Variants in WIPI2 observed in about 807,000 individuals in gnomAD.
WIPI2 encodes the protein WD repeat domain, phosphoinositide interacting 2.
In WIPI2, 28 loss-of-function variants were observed where a neutral mutation model predicts 52.3. The ratio of observed to expected loss-of-function variants is 0.54; its 90% CI spans 0.40 to 0.73. WIPI2 has a LOEUF of 0.73. Ranked by LOEUF, WIPI2 falls within the 30% of genes least tolerant of loss-of-function variation. The pLI is 0.00. For missense variants in WIPI2, 506 were observed against 602.9 expected, an observed-to-expected ratio of 0.84 and a Z score of 1.68; for synonymous variants, 268 against 245.0, an observed-to-expected ratio of 1.09 and a Z score of -0.88.
At position 5,229,597 on chromosome 7, in the gene WIPI2, C is replaced by A. The variant is rs1425872846; in HGVS notation, c.1122-11C>A. ...TGGAGACGCTGAGCTGTGTCGCTTT[C>A]TTCCCTCCAGGCTGGACGGCAGTCT... On this transcript the variant is annotated splice_polypyrimidine_tract_variant and intron_variant, in intron 11 of 12. Transcript: ENST00000288828. 1 of 1,611,706 alleles carries A rather than the reference C, an allele frequency of 6.2e-7. No homozygotes were observed. Among genetic ancestry groups the A allele is most frequent in the Non-Finnish European group, 8.5e-7 (1 of 1,179,054 alleles).
At chr7:5,225,052 T>A (rs1783356613) in intron 8 of WIPI2, among the ~76,000 whole-genome samples, 1 of 152,096 alleles carries the variant, frequency 6.6e-6, no homozygotes, top group South Asian at 2.1e-4. Flanking sequence ...TATGAAGAAA[T>A]TCACATGAAT....
intron 8 of WIPI2, among the ~76,000 whole-genome samples, chr7:5,225,144 T>C (rs1165975538): frequency 6.6e-6 from 1 of 152,044 alleles, no homozygotes; most frequent in Non-Finnish European, 1.5e-5. Flanking sequence ...TGTCTTTTTT[T>C]TTTTTTAAAT....
rs1218651448 is a variant in WIPI2, at chr7:5,229,706, G to C, written c.1220G>C (p.Gly407Ala). The C allele has an allele frequency of 6.2e-7, 1 of 1,614,060 alleles. No individual in the cohort carries two copies. The highest frequency in any genetic ancestry group is 8.5e-7 in the Non-Finnish European group (1 of 1,179,964). The stretch of plus-strand genomic sequence containing the variant: ...ACATACGGCGCAGCTGCAGGAAAAG[G>C]TACTTACGTGCCTTCATCCCCAACG... ...TQTYGAAAGK[G>A]TYVPSSPTRL... is the part of the protein sequence containing the mutation. The change falls in exon 12 of 13, where the codon GGT becomes GCT. Residue 407 changes from glycine to alanine, a missense_variant. Transcript: ENST00000288828.
chr7:5,196,964 T>C (rs985459012), intron 2 of WIPI2, among the ~76,000 whole-genome samples: 3 of 151,370 alleles, frequency 2.0e-5, no homozygotes, highest in African/African-American at 7.3e-5. Context: ...ATACAAAAAT[T>C]AGCCGGGCGT....
chr7:5,218,014 G>A lies in WIPI2; in HGVS notation c.669G>A (p.Lys223=). 4 of 1,614,188 alleles carry A rather than the reference G, an allele frequency of 2.5e-6. No individual in the cohort carries two copies. The highest frequency in any genetic ancestry group is 3.4e-6 in the Non-Finnish European group (4 of 1,180,014). The change falls in exon 7 of 13, where the codon AAG becomes AAA. Residue 223 remains lysine, a splice_region_variant and synonymous_variant. Transcript: ENST00000288828. ...CTAAACTTGCCACGGCTTCGGAGAA[G>A]GTGAGTCTGCTTTTCCCCGGGGGAG... ...SGTKLATASE[K]GTVIRVFSIP...
intron 6 of WIPI2, 127 bp from the exon 7 acceptor site, chr7:5,217,795 T>C (rs1782896089): frequency 2.3e-6 from 2 of 857,864 alleles, no homozygotes; most frequent in Non-Finnish European, 3.8e-6. Flanking sequence ...TCAAGTGGGT[T>C]TGGCATTTGT....
In WIPI2 at chr7:5,193,668, T is replaced by C. The variant is rs181825497; in HGVS notation, c.128+497T>C. ...ATAGCTTACTGCAACTTTGAGTTCC[T>C]GGGCTCAAGCGGTCCTCCTGCCTCA... On this transcript the variant is annotated intron_variant, in intron 2 of 12. Transcript: ENST00000288828. 4.2e-3 allele frequency among the ~76,000 whole-genome samples: 644 copies of C among 152,350 alleles called. 13 individuals carry two copies. Among genetic ancestry groups the C allele is most frequent in the East Asian group, 2.7e-3 (14 of 5,190 alleles).
intron 3 of WIPI2, among the ~76,000 whole-genome samples, chr7:5,203,179 A>C (rs1782114910): frequency 6.6e-6 from 1 of 152,210 alleles, no homozygotes; most frequent in South Asian, 2.1e-4. Context: ...AGGTTTGAGA[A>C]ATGGTGTTTT....
chr7:5,192,636 G>A (rs1000942045), intron 1 of WIPI2, among the ~76,000 whole-genome samples: 13 of 152,210 alleles, frequency 8.5e-5, no homozygotes, highest in Non-Finnish European at 1.8e-4. Flanking sequence ...GAGAGACCTT[G>A]ATGTAGTGTA....
intron 7 of WIPI2, among the ~76,000 whole-genome samples, chr7:5,221,776 A>G (rs1783142113): frequency 6.6e-6 from 1 of 151,982 alleles, no homozygotes; most frequent in South Asian, 2.1e-4. Context: ...CTTCATGTGC[A>G]TCTTACCATT....
rs1783765978 is a variant in WIPI2, at chr7:5,232,389, G to A, written c.*1442G>A. On this transcript the variant is annotated 3_prime_UTR_variant, in exon 13 of 13. Transcript: ENST00000288828. ...TTGGCTTTACGGCAAACTAAATGCAGGGGACGCTGGAGTCCGACTCACCTA... is the reference window on the plus strand; with the variant it reads ...TTGGCTTTACGGCAAACTAAATGCAAGGGACGCTGGAGTCCGACTCACCTA... 2.5e-6 allele frequency: 1 copy of A among 398,458 alleles called. No homozygotes were observed. The highest frequency in any genetic ancestry group is 3.6e-5 in the East Asian group (1 of 28,080). The allele number at this position is 398,458 out of a possible 1,614,324, so 24.7% of individuals were successfully genotyped here. A position where few individuals can be genotyped will look rare whatever the true frequency, so the allele number is the denominator to read the frequency against.
intron 4 of WIPI2, 128 bp from the exon 5 acceptor site, chr7:5,216,435 A>C: frequency 3.9e-6 from 3 of 767,824 alleles, no homozygotes; most frequent in Non-Finnish European, 4.2e-6. Context: ...CTGACTCCAA[A>C]AAAATAAAAT....
At chr7:5,202,550 A>AT (rs201590345) in intron 3 of WIPI2, among the ~76,000 whole-genome samples, 1,707 of 151,208 alleles carry the variant, frequency 0.011, 29 homozygotes, top group African/African-American at 0.025. Context: ...CACCTGGCTG[A>AT]TTTTTTTTTA....
Position 5,230,780 on chromosome 7 carries a change from G to T in WIPI2, c.1253-55G>T. On this transcript the variant is annotated intron_variant, in intron 12 of 12. Coordinates refer to ENST00000288828, the MANE Select transcript of WIPI2 (RefSeq NM_015610.4). The surrounding 1 kb of genome is among the most constrained non-coding windows in gnomAD (Gnocchi z 4.8). ...AAACACAGTCCTCAGTGTGTGTCAT[G>T]GGGTCTGTGGTGTGTCCCCAGCCTT... is the stretch of plus-strand genomic sequence containing the variant. 1 of 1,373,530 alleles carries T rather than the reference G, an allele frequency of 7.3e-7. No individual in the cohort carries two copies. The highest frequency in any genetic ancestry group is 1.0e-6 in the Non-Finnish European group (1 of 984,150). The allele number at this position is 1,373,530 out of a possible 1,614,324, so 85.1% of individuals were successfully genotyped here.
chr7:5,193,385 A>T, intron 2 of WIPI2: 1 of 1,312,320 alleles, frequency 7.6e-7, no homozygotes, highest in East Asian at 2.6e-5. Context: ...TGCCATGTCT[A>T]AAAGGGATGG....
chr7:5,208,574 A>G (rs1782403769), intron 3 of WIPI2, among the ~76,000 whole-genome samples: 1 of 152,298 alleles, frequency 6.6e-6, no homozygotes, highest in Non-Finnish European at 1.5e-5. Flanking sequence ...TTTTATATTT[A>G]AGTCAATAAT....
At chr7:5,193,221 T>C in intron 2 of WIPI2, 50 bp downstream of exon 2, 1 of 1,592,628 alleles carries the variant, frequency 6.3e-7, no homozygotes, top group Non-Finnish European at 8.5e-7. Flanking sequence ...AGGCTTATGT[T>C]AGAGGACTTT....
At chr7:5,214,816 C>T (rs28607283) in intron 4 of WIPI2, 112 bp downstream of exon 4, 132,219 of 1,233,872 alleles carry the variant, frequency 0.11, 8,146 homozygotes, top group Middle Eastern at 0.14. Context: ...CCTGGCCCCA[C>T]GTTGCCGGGC....
intron 3 of WIPI2, among the ~76,000 whole-genome samples, chr7:5,205,490 G>A (rs992912409): frequency 1.3e-5 from 2 of 152,036 alleles, no homozygotes; most frequent in African/African-American, 2.4e-5. Context: ...AGTTATCCAC[G>A]GACACCTGGT....
Sources: allele counts gnomAD v4.1 joint callset (sites outside exome capture counted in the v4.1 genomes callset), GRCh38; gene constraint gnomAD v4.1.1; non-coding constraint Gnocchi (gnomAD v3.1); transcripts MANE v1.5; gene names NCBI Gene and HGNC (gene_info 2026-07-23, HGNC 2026-07-21).